Variants in HPSE2 observed in about 807,000 individuals in gnomAD.
HPSE2 encodes inactive heparanase-2.
In HPSE2, 38 loss-of-function variants were observed where a neutral mutation model predicts 60.5. The ratio of observed to expected loss-of-function variants is 0.63; its 90% CI spans 0.48 to 0.82. The LOEUF is 0.82. HPSE2 is among the 40% of genes least tolerant of loss of function. The pLI is 0.00. For missense variants in HPSE2, 713 were observed against 740.4 expected, an observed-to-expected ratio of 0.96 and a Z score of 0.43; for synonymous variants, 295 against 293.2, an observed-to-expected ratio of 1.01 and a Z score of -0.06.
chr10:98,567,973 A>T (rs1417085986), intron 9 of HPSE2, among the ~76,000 whole-genome samples: 1 of 152,206 alleles, frequency 6.6e-6, no homozygotes, highest in Non-Finnish European at 1.5e-5. Flanking sequence ...GGGATCAAGC[A>T]TGCCAGATGT....
At chr10:98,997,405 T>A (rs896247387) in intron 3 of HPSE2, among the ~76,000 whole-genome samples, 4 of 152,154 alleles carry the variant, frequency 2.6e-5, no homozygotes, top group African/African-American at 9.7e-5. Flanking sequence ...CTTCAGCCAC[T>A]GTGCCCAGCC....
At chr10:99,033,782 CA>C (rs1030821539) in intron 3 of HPSE2, among the ~76,000 whole-genome samples, 41 of 135,738 alleles carry the variant, frequency 3.0e-4, no homozygotes, top group African/African-American at 6.8e-4. Flanking sequence ...GACTCCGTCT[CA>C]AAAAAAAAAA....
chr10:98,564,936 C>T (rs116300700), intron 9 of HPSE2, among the ~76,000 whole-genome samples: 1 of 152,094 alleles, frequency 6.6e-6, no homozygotes, highest in African/African-American at 2.4e-5. Flanking sequence ...CAAACTGGGA[C>T]AATTCTGGAC....
intron 9 of HPSE2, among the ~76,000 whole-genome samples, chr10:98,576,998 T>C (rs1238392979): frequency 6.6e-6 from 1 of 152,104 alleles, no homozygotes; most frequent in African/African-American, 2.4e-5. Flanking sequence ...ATTTAGCTCT[T>C]GAAAAACCCC....
chr10:98,983,138 A>G (rs7069892), intron 3 of HPSE2, among the ~76,000 whole-genome samples: 115,674 of 152,068 alleles, frequency 0.76, 44,357 homozygotes, highest in East Asian at 0.86. Flanking sequence ...ACTGGAAGGC[A>G]GGGGATGGTT....
chr10:98,860,758 T>A (rs1952439419), intron 3 of HPSE2, among the ~76,000 whole-genome samples: 1 of 152,134 alleles, frequency 6.6e-6, no homozygotes, highest in South Asian at 2.1e-4. Flanking sequence ...CTAATTAAAA[T>A]GCCAATTTTT....
At chr10:98,841,629 G>C (rs1951914734) in intron 3 of HPSE2, among the ~76,000 whole-genome samples, 1 of 152,154 alleles carries the variant, frequency 6.6e-6, no homozygotes, top group East Asian at 1.9e-4. Context: ...AAATGTGGTT[G>C]TGAGTGAAAA....
chr10:99,047,681 C>G lies in HPSE2; in HGVS notation c.610+96557G>C, dbSNP rs571443626. 8.8e-5 allele frequency: 70 copies of G among 796,844 alleles called. No homozygotes were observed. In the South Asian group the frequency reaches 9.4e-4, roughly 11 times the overall value. The allele number at this position is 796,844 out of a possible 1,614,324, so 49.4% of individuals were successfully genotyped here. ...GAAGAAGAAGACGGTTCCTGCTGTG[C>G]CAGAAACCCTTAGGAAAAAGTGAAG... On this transcript the variant is annotated intron_variant, in intron 3 of 11. Transcript: ENST00000370552.
chr10:99,103,714 T>C (rs1035086482), intron 3 of HPSE2, among the ~76,000 whole-genome samples: 2 of 152,094 alleles, frequency 1.3e-5, no homozygotes, highest in Non-Finnish European at 2.9e-5. Flanking sequence ...GGAGGCATCA[T>C]ACTACCTGAC....
chr10:99,240,895 G>T, the HPSE2 span, among the ~76,000 whole-genome samples: 23 of 152,178 alleles, frequency 1.5e-4, no homozygotes, highest in South Asian at 1.7e-3. Context: ...TTTAAAAAAT[G>T]CTTTACACTG....
intron 9 of HPSE2, among the ~76,000 whole-genome samples, chr10:98,558,893 T>C (rs1944090251): frequency 6.6e-6 from 1 of 152,202 alleles, no homozygotes; most frequent in Admixed American, 6.5e-5. Context: ...CTAAGAATCC[T>C]CTGGAGCTGA....
chr10:98,952,315 TG>T (rs1478664191), intron 3 of HPSE2, among the ~76,000 whole-genome samples: 12 of 7,060 alleles, frequency 1.7e-3, no homozygotes, highest in Non-Finnish European at 3.4e-3. Flanking sequence ...AGAATTTGTT[TG>T]TGTGTGTGTG....
At chr10:99,053,955 C>T (rs1359683139) in intron 3 of HPSE2, among the ~76,000 whole-genome samples, 1 of 150,784 alleles carries the variant, frequency 6.6e-6, no homozygotes, top group Non-Finnish European at 1.5e-5. Context: ...AGGCTGGTCT[C>T]GAACTCCCGA....
intron 9 of HPSE2, among the ~76,000 whole-genome samples, chr10:98,492,445 T>C (rs530389459): frequency 6.9e-6 from 1 of 144,116 alleles, no homozygotes; most frequent in South Asian, 2.1e-4. Context: ...GAGCTTGCAG[T>C]GAGCCGAGAT....
At chr10:98,826,663 T>C (rs1951555011) in intron 3 of HPSE2, among the ~76,000 whole-genome samples, 1 of 151,954 alleles carries the variant, frequency 6.6e-6, no homozygotes, top group Non-Finnish European at 1.5e-5. Context: ...AAAACAAATA[T>C]CCCAAGAAGA....
chr10:98,864,024 T>C lies in HPSE2; in HGVS notation c.611-119968A>G, dbSNP rs185143793. ...CAGCCTATAGCTGATGATTTGTGTG[T>C]AAATGAATTAAAAAACGTCTTCTAA... On this transcript the variant is annotated intron_variant, in intron 3 of 11. Transcript: ENST00000370552. Among the ~76,000 whole-genome samples the C allele has an allele frequency of 2.1e-3, 323 of 152,274 alleles. 2 individuals are homozygous for C. Among genetic ancestry groups the C allele is most frequent in the Non-Finnish European group, 4.0e-3 (270 of 68,018 alleles).
intron 9 of HPSE2, among the ~76,000 whole-genome samples, chr10:98,512,377 C>G (rs1012839157): frequency 6.6e-6 from 1 of 152,076 alleles, no homozygotes; most frequent in Non-Finnish European, 1.5e-5. Flanking sequence ...GTCCGGAGAT[C>G]GAGACCATCC....
chr10:98,627,601 A>C (rs1460295067), intron 7 of HPSE2, among the ~76,000 whole-genome samples: 1 of 152,212 alleles, frequency 6.6e-6, no homozygotes, highest in Non-Finnish European at 1.5e-5. Context: ...CATGACTTTG[A>C]ATGAGTTGTA....
chr10:98,913,779 G>A (rs1954044150), intron 3 of HPSE2, among the ~76,000 whole-genome samples: 3 of 152,268 alleles, frequency 2.0e-5, no homozygotes, highest in Admixed American at 6.5e-5. Flanking sequence ...ATCATCTGCT[G>A]TAGAGCTTCA....
Sources: allele counts gnomAD v4.1 joint callset (sites outside exome capture counted in the v4.1 genomes callset), GRCh38; gene constraint gnomAD v4.1.1; transcripts MANE v1.5; gene names NCBI Gene and HGNC (gene_info 2026-07-23, HGNC 2026-07-21).